The following AGBL4 variants were observed in gnomAD, a reference collection of about 807,000 sequenced individuals.
AGBL4 encodes AGBL carboxypeptidase 4.
In AGBL4, 58 loss-of-function variants were observed where a neutral mutation model predicts 66.4. That is an observed-to-expected ratio of 0.87 (90% confidence interval 0.71 to 1.09). The LOEUF is 1.09. AGBL4 is among the 50% of genes least tolerant of loss of function. The probability of loss-of-function intolerance (pLI) is 0.00; values close to 1 mark genes in which losing one functional copy is unlikely to be tolerated. For missense variants in AGBL4, 579 were observed against 631.0 expected (o/e 0.92, Z 0.88); for synonymous variants, 234 against 222.9 (o/e 1.05, Z -0.44).
At chr1:49,009,909 C>G (rs1455591311) in intron 5 of AGBL4, among the ~76,000 whole-genome samples, 1 of 151,816 alleles carries the variant, frequency 6.6e-6, no homozygotes, top group Non-Finnish European at 1.5e-5. Flanking sequence ...ATGACAAACC[C>G]ACAGCCAATA....
At chr1:49,670,701 A>G (rs1451420792) in intron 3 of AGBL4, among the ~76,000 whole-genome samples, 1 of 152,198 alleles carries the variant, frequency 6.6e-6, no homozygotes, top group Non-Finnish European at 1.5e-5. Context: ...TATGGGCCTG[A>G]GGTATTTGAG....
At chr1:49,970,708 AACACACACACACACACACAC>A (rs373722460) in intron 1 of AGBL4, among the ~76,000 whole-genome samples, 1 of 113,994 alleles carries the variant, frequency 8.8e-6, no homozygotes, top group Non-Finnish European at 1.7e-5. Flanking sequence ...AAAAAAACAA[AACACACACACACACACACAC>A]ACACACACAC....
chr1:48,826,997 T>A (rs1646440412), intron 6 of AGBL4, among the ~76,000 whole-genome samples: 1 of 152,144 alleles, frequency 6.6e-6, no homozygotes, highest in Non-Finnish European at 1.5e-5. Context: ...TCTTTCCCCC[T>A]CTATCAAGAT....
intron 6 of AGBL4, among the ~76,000 whole-genome samples, chr1:48,680,115 G>A (rs775244379): frequency 6.6e-6 from 1 of 152,204 alleles, no homozygotes. Flanking sequence ...GTTTTCCAAA[G>A]GTCTTTAGTC....
At chr1:49,429,706 C>T (rs187562034) in intron 3 of AGBL4, among the ~76,000 whole-genome samples, 92 of 152,198 alleles carry the variant, frequency 6.0e-4, no homozygotes, top group African/African-American at 2.1e-3. Context: ...CACTAGCTGC[C>T]CTTGGGTTTC....
chr1:48,918,335 A>G (rs1367085889), intron 5 of AGBL4, among the ~76,000 whole-genome samples: 1 of 152,144 alleles, frequency 6.6e-6, no homozygotes, highest in African/African-American at 2.4e-5. Flanking sequence ...TCCTATGACA[A>G]TGTTGAGATT....
chr1:48,940,818 A>G (rs1655906165), intron 5 of AGBL4, among the ~76,000 whole-genome samples: 1 of 152,220 alleles, frequency 6.6e-6, no homozygotes, highest in Non-Finnish European at 1.5e-5. Context: ...CAACCCTGAG[A>G]TTCAATTGTC....
At position 50,010,469 on chromosome 1, in the gene AGBL4, A is replaced by AACACACACACACAGAC. The variant is rs1553160074; in HGVS notation, c.34+13293_34+13294insGTCTGTGTGTGTGTGT. Among the ~76,000 whole-genome samples, 15 of 149,062 alleles carry AACACACACACACAGAC rather than the reference A, an allele frequency of 1.0e-4. No homozygotes were observed. The East Asian group carries it at 3.0e-3, about 29-fold the overall frequency. ...ATCCCAAAATTTGTAAGGAACCACAAACACACACACACACACACACACACA... is the reference window on the plus strand; with the variant it reads ...ATCCCAAAATTTGTAAGGAACCACAAACACACACACACAGACACACACACACACACACACACACACA... On this transcript the variant is annotated intron_variant, in intron 1 of 13. Coordinates refer to ENST00000371839, the MANE Select transcript of AGBL4 (RefSeq NM_032785.4).
intron 5 of AGBL4, among the ~76,000 whole-genome samples, chr1:48,952,046 C>T (rs1022317896): frequency 5.3e-5 from 8 of 152,240 alleles, no homozygotes; most frequent in Non-Finnish European, 8.8e-5. Flanking sequence ...AGCTCCAGTT[C>T]TTTTTGTTTT....
chr1:49,161,099 GA>G (rs1395962274), intron 4 of AGBL4, among the ~76,000 whole-genome samples: 6 of 149,100 alleles, frequency 4.0e-5, no homozygotes, highest in Non-Finnish European at 8.9e-5. Context: ...AGTAGGGTAT[GA>G]AAAAAAAAAC....
chr1:49,163,663 A>G (rs1646580195), intron 4 of AGBL4, among the ~76,000 whole-genome samples: 1 of 152,206 alleles, frequency 6.6e-6, no homozygotes, highest in Non-Finnish European at 1.5e-5. Context: ...TTAATAAACA[A>G]ATGAAAATCA....
At chr1:49,075,478 A>C (rs1358269342) in intron 4 of AGBL4, among the ~76,000 whole-genome samples, 1 of 152,158 alleles carries the variant, frequency 6.6e-6, no homozygotes, top group Non-Finnish European at 1.5e-5. Context: ...TGGTCATGAA[A>C]CCTGAAAATT....
At chr1:49,586,166 C>T (rs1412604886) in intron 3 of AGBL4, among the ~76,000 whole-genome samples, 2 of 152,078 alleles carry the variant, frequency 1.3e-5, no homozygotes, top group Non-Finnish European at 2.9e-5. Context: ...CCATAAAAAA[C>T]ACTGTGTGTT....
chr1:48,923,636 A>T (rs184978219), intron 5 of AGBL4, among the ~76,000 whole-genome samples: 18 of 152,350 alleles, frequency 1.2e-4, no homozygotes. Flanking sequence ...CAGCCCCAGT[A>T]TGGAGCTGAT....
intron 3 of AGBL4, among the ~76,000 whole-genome samples, chr1:49,603,533 A>G (rs1376501561): frequency 8.6e-6 from 1 of 116,364 alleles, no homozygotes; most frequent in African/African-American, 2.9e-5. Context: ...TCAAAAAATA[A>G]ATAAATAAAT....
intron 6 of AGBL4, among the ~76,000 whole-genome samples, chr1:48,837,695 C>T (rs1646710193): frequency 7.8e-6 from 1 of 128,364 alleles, no homozygotes; most frequent in African/African-American, 3.1e-5. Flanking sequence ...CACGCACACA[C>T]ACGCACACAC....
intron 5 of AGBL4, among the ~76,000 whole-genome samples, chr1:49,045,297 T>C (rs1373454040): frequency 6.6e-6 from 1 of 152,232 alleles, no homozygotes; most frequent in Non-Finnish European, 1.5e-5. Context: ...TGTATTTTGC[T>C]AGAGAGCTTT....
intron 4 of AGBL4, among the ~76,000 whole-genome samples, chr1:49,133,145 A>G (rs912793034): frequency 6.6e-6 from 1 of 152,190 alleles, no homozygotes; most frequent in Admixed American, 6.5e-5. Flanking sequence ...GTAACAGAAA[A>G]CCAAACACTG....
At chr1:49,849,399 A>T (rs1262200787) in intron 2 of AGBL4, among the ~76,000 whole-genome samples, 1 of 107,276 alleles carries the variant, frequency 9.3e-6, no homozygotes, top group African/African-American at 3.1e-5. Flanking sequence ...CTAATTTATT[A>T]TTATTATTAT....
Sources: allele counts gnomAD v4.1 joint callset (sites outside exome capture counted in the v4.1 genomes callset), GRCh38; gene constraint gnomAD v4.1.1; transcripts MANE v1.5; gene names NCBI Gene and HGNC (gene_info 2026-07-23, HGNC 2026-07-21).